Variants in SUMF1 observed in about 807,000 individuals in gnomAD.
SUMF1 encodes sulfatase modifying factor 1, also known as formylglycine-generating enzyme.
In SUMF1, 48 loss-of-function variants were observed where a neutral mutation model predicts 47.6. The ratio of observed to expected loss-of-function variants is 1.01; its 90% CI spans 0.80 to 1.28. The LOEUF is 1.28. Among genes scored for constraint, SUMF1 ranks in the 50% most tolerant of loss-of-function variants. SUMF1 has a pLI of 0.00. For missense variants in SUMF1, 571 were observed against 485.4 expected, an observed-to-expected ratio of 1.18 and a Z score of -1.66; for synonymous variants, 230 against 192.1, an observed-to-expected ratio of 1.20 and a Z score of -1.63.
intron 8 of SUMF1, among the ~76,000 whole-genome samples, chr3:4,198,297 T>C (rs575975772): frequency 6.6e-6 from 1 of 152,228 alleles, no homozygotes; most frequent in Admixed American, 6.5e-5. Context: ...AGATCTCTCC[T>C]GCCATGTCTA....
intron 9 of SUMF1, among the ~76,000 whole-genome samples, chr3:4,065,835 T>G (rs1695362761): frequency 6.6e-6 from 1 of 152,138 alleles, no homozygotes; most frequent in South Asian, 2.1e-4. Flanking sequence ...GCAACAGCTC[T>G]GAGAACTCAG....
chr3:4,301,512 T>C (rs1697965049), intron 8 of SUMF1, among the ~76,000 whole-genome samples: 1 of 152,168 alleles, frequency 6.6e-6, no homozygotes, highest in Non-Finnish European at 1.5e-5. Context: ...AATGACAGAC[T>C]TAAAGCAAAG....
Position 4,251,727 on chromosome 3 carries a change from G to C in SUMF1, c.1014+124603C>G, listed in dbSNP as rs137986560. ...AGATAGCATCTTCTTCTATTATAAG[G>C]CTGTTTTACCTACATTGAAAATCTG... On this transcript the variant is annotated intron_variant and NMD_transcript_variant, in intron 8 of 12. Transcript: ENST00000448413. Among the ~76,000 whole-genome samples, 57 of 152,244 alleles carry C rather than the reference G, an allele frequency of 3.7e-4. No homozygotes were observed. In the East Asian group the frequency reaches 0.011, roughly 29 times the overall value.
chr3:4,242,501 A>C (rs1696562833), intron 8 of SUMF1, among the ~76,000 whole-genome samples: 1 of 152,194 alleles, frequency 6.6e-6, no homozygotes, highest in African/African-American at 2.4e-5. Flanking sequence ...GAATTTTGTC[A>C]AAGGCCATTT....
intron 8 of SUMF1, among the ~76,000 whole-genome samples, chr3:4,244,742 C>T (rs1006570497): frequency 1.3e-5 from 2 of 152,058 alleles, no homozygotes; most frequent in African/African-American, 4.8e-5. Flanking sequence ...TCTTCAGGTT[C>T]CTATTCTCGT....
chr3:4,375,196 C>A (rs1700289989), intron 8 of SUMF1, among the ~76,000 whole-genome samples: 1 of 148,398 alleles, frequency 6.7e-6, no homozygotes, highest in Non-Finnish European at 1.5e-5. Flanking sequence ...ATCTTATTAC[C>A]AATGTAGGTC....
Position 4,389,039 on chromosome 3 carries a change from T to C in SUMF1, c.955-12650A>G, listed in dbSNP as rs187103367. Among the ~76,000 whole-genome samples, 240 of 152,312 alleles carry C rather than the reference T, an allele frequency of 1.6e-3. 1 individual carries two copies. The highest frequency in any genetic ancestry group is 5.3e-3 in the African/African-American group (222 of 41,588). Reference sequence around the variant, plus strand: ...AAAGCCTATTGTATATACTCATATTTGGGCTTACCATGTTCTTCCTTCCAG... The same window carrying C: ...AAAGCCTATTGTATATACTCATATTCGGGCTTACCATGTTCTTCCTTCCAG... On this transcript the variant is annotated intron_variant, in intron 7 of 8. Coordinates refer to ENST00000272902, the MANE Select transcript of SUMF1 (RefSeq NM_182760.4).
rs185422468 is a variant in SUMF1, at chr3:4,419,097, G to A, written c.603-965C>T. 2.0e-5 allele frequency among the ~76,000 whole-genome samples: 3 copies of A among 152,332 alleles called. No individual in the cohort carries two copies. In the East Asian group the frequency reaches 5.8e-4, roughly 29 times the overall value. On this transcript the variant is annotated intron_variant, in intron 4 of 8. Transcript: ENST00000272902. Reference sequence around the variant, plus strand: ...TACTCTTCTCAGAAGATCCATCGGTGTTGACTGCATGGATAACATACATTC... The same window carrying A: ...TACTCTTCTCAGAAGATCCATCGGTATTGACTGCATGGATAACATACATTC...
At chr3:4,411,826 T>G (rs1390200269) in intron 6 of SUMF1, among the ~76,000 whole-genome samples, 1 of 152,128 alleles carries the variant, frequency 6.6e-6, no homozygotes, top group Non-Finnish European at 1.5e-5. Context: ...AAAGAAAAAT[T>G]TCATTTTTAA....
chr3:4,060,286 T>C (rs1034065427), intron 9 of SUMF1, among the ~76,000 whole-genome samples: 4 of 152,174 alleles, frequency 2.6e-5, no homozygotes, highest in Non-Finnish European at 4.4e-5. Context: ...TCTTAATCCA[T>C]GTCTGGCCTG....
chr3:4,373,829 T>C (rs1355837247), intron 8 of SUMF1, among the ~76,000 whole-genome samples: 3 of 151,928 alleles, frequency 2.0e-5, no homozygotes, highest in Non-Finnish European at 4.4e-5. Context: ...AAAAAGATAA[T>C]ACATCATGAC....
intron 8 of SUMF1, among the ~76,000 whole-genome samples, chr3:4,090,248 A>T (rs931455723): frequency 6.6e-6 from 1 of 152,156 alleles, no homozygotes; most frequent in Non-Finnish European, 1.5e-5. Context: ...ATCATTTCCT[A>T]ACCCAGGTCC....
Position 4,285,804 on chromosome 3 carries a change from A to C in SUMF1, c.1014+90526T>G, listed in dbSNP as rs560344759. ...AGTTGATATATTCATCCAAATGCAC[A>C]CAACTGCCAAAATGTTGAAATACTT... On this transcript the variant is annotated intron_variant and NMD_transcript_variant, in intron 8 of 12. Transcript: ENST00000448413. Among the ~76,000 whole-genome samples, 81 of 152,298 alleles carry C rather than the reference A, an allele frequency of 5.3e-4. 1 individual carries two copies. The South Asian group carries it at 0.016, about 30-fold the overall frequency.
intron 8 of SUMF1, among the ~76,000 whole-genome samples, chr3:4,309,556 TG>T (rs1321594548): frequency 1.3e-5 from 2 of 152,054 alleles, no homozygotes; most frequent in African/African-American, 4.8e-5. Context: ...AAAGTCCAAG[TG>T]GTAACTATAG....
At chr3:4,170,303 C>G (rs1165363369) in intron 8 of SUMF1, among the ~76,000 whole-genome samples, 1 of 152,164 alleles carries the variant, frequency 6.6e-6, no homozygotes, top group African/African-American at 2.4e-5. Flanking sequence ...TTAGTGGGTA[C>G]CAGAATCACC....
At chr3:4,349,766 C>T (rs308706) in intron 8 of SUMF1, among the ~76,000 whole-genome samples, 34,308 of 151,978 alleles carry the variant, frequency 0.23, 4,073 homozygotes, top group South Asian at 0.44. Context: ...TTCTCACTCA[C>T]AAGTGAGAGT....
chr3:4,267,550 T>G (rs1697221264), intron 8 of SUMF1, among the ~76,000 whole-genome samples: 1 of 152,278 alleles, frequency 6.6e-6, no homozygotes, highest in African/African-American at 2.4e-5. Context: ...TAGTTTGTAT[T>G]TCTGTGGGAT....
At chr3:4,199,241 T>G (rs527257838) in intron 8 of SUMF1, among the ~76,000 whole-genome samples, 20 of 152,224 alleles carry the variant, frequency 1.3e-4, no homozygotes, top group Non-Finnish European at 1.8e-4. Flanking sequence ...AATGGAATCA[T>G]ACTATATGTA....
intron 8 of SUMF1, among the ~76,000 whole-genome samples, chr3:4,340,635 C>G (rs543149044): frequency 6.6e-6 from 1 of 152,160 alleles, no homozygotes; most frequent in South Asian, 2.1e-4. Flanking sequence ...ATAGGAGGAG[C>G]TTGCACTAAT....
Sources: allele counts gnomAD v4.1 joint callset (sites outside exome capture counted in the v4.1 genomes callset), GRCh38; gene constraint gnomAD v4.1.1; transcripts MANE v1.5; gene names NCBI Gene and HGNC (gene_info 2026-07-23, HGNC 2026-07-21).